Variants in NBAS observed in about 807,000 individuals in gnomAD.
The protein encoded by NBAS is NBAS subunit of NRZ tethering complex.
NBAS carries 219 observed loss-of-function variants against 302.5 expected under a neutral mutation model. The observed-to-expected ratio is 0.72, with a 90% CI of 0.65 to 0.81. The LOEUF (loss-of-function observed/expected upper bound fraction) is 0.81. NBAS is among the 30% of genes least tolerant of loss of function. The probability of loss-of-function intolerance (pLI) is 0.00; values close to 1 mark genes in which losing one functional copy is unlikely to be tolerated. For missense variants in NBAS, 2,932 were observed against 2,841.6 expected (o/e 1.03, Z -0.72); for synonymous variants, 1,118 against 1,021.6 (o/e 1.09, Z -1.80).
At chr2:15,225,499 G>A (rs147553465) in intron 47 of NBAS, among the ~76,000 whole-genome samples, 208 of 151,864 alleles carry the variant, frequency 1.4e-3, no homozygotes, top group African/African-American at 4.5e-3. Context: ...TAGGTGGGCC[G>A]TTCTTTCTTC....
chr2:15,264,359 A>T (rs1356225708), intron 44 of NBAS, among the ~76,000 whole-genome samples: 1 of 152,198 alleles, frequency 6.6e-6, no homozygotes, highest in Non-Finnish European at 1.5e-5. Flanking sequence ...TATTCCTTCC[A>T]GCTTATTAAT....
the NBAS span, among the ~76,000 whole-genome samples, chr2:14,979,668 T>C: frequency 6.6e-6 from 1 of 152,176 alleles, no homozygotes; most frequent in Non-Finnish European, 1.5e-5. Flanking sequence ...TATAATCTAC[T>C]ATTCAAAGTC....
At position 15,474,075 on chromosome 2, in the gene NBAS, G is replaced by A. The variant is rs747781364; in HGVS notation, c.1591C>T (p.Gln531Ter). 2 of 1,614,120 alleles carry A rather than the reference G, an allele frequency of 1.2e-6. No homozygotes were observed. Among genetic ancestry groups the A allele is most frequent in the Admixed American group, 1.7e-5 (1 of 60,018 alleles). ...ATATGCTACTCTCTCACCTTCCTCT[G>A]ATAAAGTTCCTCTGGTGTCGTGGAG... ...LRSTTPEELY[Q>*]RKIESEEYEE... is the part of the protein sequence containing the mutation. The change falls in exon 15 of 52, where the codon CAG becomes TAG. Residue 531 changes from glutamine (Q) to a stop codon, truncating the protein, a stop_gained. Transcript: ENST00000281513. LOFTEE classifies it high-confidence loss of function.
chr2:15,419,119 A>G (rs1558321009), intron 23 of NBAS, among the ~76,000 whole-genome samples: 1 of 152,190 alleles, frequency 6.6e-6, no homozygotes, highest in Non-Finnish European at 1.5e-5. Flanking sequence ...ACAGACAGTA[A>G]ATACTTGTTG....
the NBAS span, among the ~76,000 whole-genome samples, chr2:14,990,691 C>T: frequency 5.9e-4 from 90 of 152,236 alleles, no homozygotes; most frequent in Non-Finnish European, 1.1e-3. Flanking sequence ...GACTCTACCT[C>T]CTGGCTCAGG....
chr2:15,550,089 A>G (rs1181836860), intron 6 of NBAS, among the ~76,000 whole-genome samples: 5 of 152,118 alleles, frequency 3.3e-5, no homozygotes, highest in Non-Finnish European at 7.3e-5. Context: ...ACTTGAGCCC[A>G]TGAGGTCAGG....
the NBAS span, among the ~76,000 whole-genome samples, chr2:14,807,140 CA>C: frequency 4.2e-3 from 615 of 148,068 alleles, 4 homozygotes; most frequent in African/African-American, 0.012. Context: ...ATGTAAATAT[CA>C]GGGGGGGGTT....
chr2:14,952,935 A>G, the NBAS span, among the ~76,000 whole-genome samples: 1 of 152,234 alleles, frequency 6.6e-6, no homozygotes, highest in Non-Finnish European at 1.5e-5. Flanking sequence ...AGTCTGGAGC[A>G]TGTCAGCCCT....
the NBAS span, among the ~76,000 whole-genome samples, chr2:14,964,808 A>G: frequency 6.6e-6 from 1 of 152,198 alleles, no homozygotes; most frequent in African/African-American, 2.4e-5. Context: ...ACTCAATAAA[A>G]TTAAAAGGAT....
intron 28 of NBAS, among the ~76,000 whole-genome samples, chr2:15,386,822 T>C (rs1291097119): frequency 6.6e-6 from 1 of 152,200 alleles, no homozygotes; most frequent in African/African-American, 2.4e-5. Context: ...TTTTTTTAAA[T>C]ATATATTGGA....
chr2:14,884,323 AT>A, the NBAS span, among the ~76,000 whole-genome samples: 1 of 152,186 alleles, frequency 6.6e-6, no homozygotes, highest in Non-Finnish European at 1.5e-5. Context: ...TTGGACCAAC[AT>A]TTCAGTTGGG....
chr2:15,368,756 A>G (rs1355732735), intron 31 of NBAS, among the ~76,000 whole-genome samples: 1 of 152,136 alleles, frequency 6.6e-6, no homozygotes, highest in East Asian at 1.9e-4. Flanking sequence ...AATTAATGTG[A>G]GTGGAAATGA....
At chr2:15,286,612 T>A (rs955277313) in intron 42 of NBAS, among the ~76,000 whole-genome samples, 1 of 152,246 alleles carries the variant, frequency 6.6e-6, no homozygotes, top group Admixed American at 6.5e-5. Flanking sequence ...CTTCTACTTC[T>A]GTCGTTAATT....
chr2:14,925,416 G>C, the NBAS span, among the ~76,000 whole-genome samples: 1 of 152,192 alleles, frequency 6.6e-6, no homozygotes, highest in African/African-American at 2.4e-5. Context: ...ACTGGACTAG[G>C]CTACACACTC....
chr2:14,998,294 T>A, the NBAS span, among the ~76,000 whole-genome samples: 1 of 152,218 alleles, frequency 6.6e-6, no homozygotes, highest in Non-Finnish European at 1.5e-5. Flanking sequence ...TGTGCCCACA[T>A]TTTCAGAACT....
chr2:14,884,466 C>T, the NBAS span, among the ~76,000 whole-genome samples: 2 of 152,082 alleles, frequency 1.3e-5, no homozygotes, highest in Non-Finnish European at 2.9e-5. Context: ...ACCTCAAAAA[C>T]AATGAAGAAG....
intron 48 of NBAS, among the ~76,000 whole-genome samples, chr2:15,209,710 C>T (rs1180329026): frequency 6.6e-6 from 1 of 152,086 alleles, no homozygotes; most frequent in Non-Finnish European, 1.5e-5. Flanking sequence ...ATCATATTAC[C>T]TGACTTCATA....
At chr2:15,519,859 G>T (rs1421338283) in intron 9 of NBAS, among the ~76,000 whole-genome samples, 2 of 152,152 alleles carry the variant, frequency 1.3e-5, no homozygotes, top group Non-Finnish European at 2.9e-5. Context: ...ATCTCTAAAA[G>T]ATATACTTTA....
intron 47 of NBAS, among the ~76,000 whole-genome samples, chr2:15,219,245 T>A (rs1666805722): frequency 6.6e-6 from 1 of 152,070 alleles, no homozygotes; most frequent in African/African-American, 2.4e-5. Flanking sequence ...CAAAATTTAA[T>A]AAGTAGTAAG....
Sources: gnomAD v4.1 joint callset for allele counts (sites outside exome capture counted in the v4.1 genomes callset) on GRCh38, gnomAD v4.1.1 for gene constraint, MANE v1.5 for transcripts, NCBI Gene and HGNC (gene_info 2026-07-23, HGNC 2026-07-21) for gene names.